AUH: variants seen among roughly 807,000 people sequenced by gnomAD.
AUH encodes the protein methylglutaconyl-CoA hydratase, mitochondrial.
In AUH, 29 loss-of-function variants were observed where a neutral mutation model predicts 42.3. That is an observed-to-expected ratio of 0.69 (90% CI 0.51 to 0.93). The LOEUF (loss-of-function observed/expected upper bound fraction) is 0.93. AUH is among the 40% of genes least tolerant of loss of function. The pLI, the probability that AUH is intolerant of heterozygous loss-of-function variation, is 0.00. For synonymous variants in AUH, 174 were observed against 166.4 expected, an observed-to-expected ratio of 1.05 and a Z score of -0.35; for missense variants, 452 against 438.1, an observed-to-expected ratio of 1.03 and a Z score of -0.28.
At chr9:91,276,795 T>A (rs768325520) in intron 6 of AUH, among the ~76,000 whole-genome samples, 3 of 152,130 alleles carry the variant, frequency 2.0e-5, no homozygotes, top group Non-Finnish European at 4.4e-5. Flanking sequence ...TTATAGAACA[T>A]AGAGGACAAG....
intron 4 of AUH, among the ~76,000 whole-genome samples, chr9:91,310,579 C>G (rs953103727): frequency 9.2e-5 from 14 of 152,110 alleles, no homozygotes; most frequent in African/African-American, 3.4e-4. Flanking sequence ...AAACTTACAC[C>G]AAAATAATTC....
intron 6 of AUH, among the ~76,000 whole-genome samples, chr9:91,287,385 A>G (rs1826502318): frequency 6.6e-6 from 1 of 152,188 alleles, no homozygotes. Context: ...ACTAAATGCA[A>G]CGTGGAGGCC....
At chr9:91,253,909 C>T (rs917289644) in intron 6 of AUH, among the ~76,000 whole-genome samples, 3 of 152,140 alleles carry the variant, frequency 2.0e-5, no homozygotes, top group Admixed American at 6.5e-5. Context: ...TTTAAGGAGA[C>T]AAGCTATAAA....
intron 9 of AUH, among the ~76,000 whole-genome samples, chr9:91,215,773 C>A (rs540458080): frequency 5.3e-5 from 8 of 152,100 alleles, no homozygotes. Context: ...CAGGACCAAT[C>A]CCACAAAAGA....
At chr9:91,282,541 T>G (rs1035695232) in intron 6 of AUH, among the ~76,000 whole-genome samples, 1 of 152,122 alleles carries the variant, frequency 6.6e-6, no homozygotes. Flanking sequence ...GAAAACAGTA[T>G]GTGAGCAGGA....
At chr9:91,360,664 G>A (rs1832777423) in intron 1 of AUH, among the ~76,000 whole-genome samples, 1 of 152,130 alleles carries the variant, frequency 6.6e-6, no homozygotes, top group South Asian at 2.1e-4. Context: ...TTCAAATGGC[G>A]AAACCCTGCA....
chr9:91,287,215 A>C (rs971962946), intron 6 of AUH, among the ~76,000 whole-genome samples: 1 of 152,170 alleles, frequency 6.6e-6, no homozygotes, highest in Non-Finnish European at 1.5e-5. Context: ...AATTCTTGCC[A>C]AAAATGAATA....
chr9:91,257,362 C>T (rs1486350396), intron 6 of AUH, among the ~76,000 whole-genome samples: 8 of 151,474 alleles, frequency 5.3e-5, no homozygotes, highest in Non-Finnish European at 1.2e-4. Flanking sequence ...CCTCAGGGAG[C>T]GGTGGCACCA....
chr9:91,279,568 T>C (rs779926658), intron 6 of AUH, among the ~76,000 whole-genome samples: 1 of 152,184 alleles, frequency 6.6e-6, no homozygotes, highest in African/African-American at 2.4e-5. Context: ...ACATCTCATA[T>C]GGTGAGAGCA....
At chr9:91,334,234 CTACT>C (rs1830534901) in intron 3 of AUH, among the ~76,000 whole-genome samples, 1 of 152,188 alleles carries the variant, frequency 6.6e-6, no homozygotes, top group Non-Finnish European at 1.5e-5. Flanking sequence ...CTTTATGTGT[CTACT>C]TGTCTGGGCC....
At chr9:91,296,228 T>G in intron 5 of AUH, 151 bp from the exon 6 acceptor site, 1 of 776,312 alleles carries the variant, frequency 1.3e-6, no homozygotes, top group Non-Finnish European at 2.1e-6. Flanking sequence ...GGCATTGTTA[T>G]GGAAATAAGT....
intron 9 of AUH, 96 bp downstream of exon 9, chr9:91,215,963 G>T: frequency 1.5e-6 from 2 of 1,316,110 alleles, no homozygotes; most frequent in Non-Finnish European, 1.1e-6. Flanking sequence ...ATGGGCGCAA[G>T]GGTAATCTTG....
chr9:91,344,334 C>T (rs1000017311), intron 3 of AUH, among the ~76,000 whole-genome samples: 1 of 152,206 alleles, frequency 6.6e-6, no homozygotes, highest in Non-Finnish European at 1.5e-5. Flanking sequence ...TCCCTCACTG[C>T]TTCCAGTTGT....
chr9:91,243,782 C>T (rs1828645176), intron 6 of AUH, among the ~76,000 whole-genome samples: 1 of 151,994 alleles, frequency 6.6e-6, no homozygotes, highest in Non-Finnish European at 1.5e-5. Context: ...AGAAAACGAG[C>T]AGCAAAATGA....
At chr9:91,271,678 T>C (rs1825139382) in intron 6 of AUH, among the ~76,000 whole-genome samples, 1 of 152,208 alleles carries the variant, frequency 6.6e-6, no homozygotes, top group Non-Finnish European at 1.5e-5. Context: ...AAATCTTCAA[T>C]ATGCTTTGTT....
At chr9:91,361,096 A>G (rs1228572208) in intron 1 of AUH, among the ~76,000 whole-genome samples, 1 of 152,242 alleles carries the variant, frequency 6.6e-6, no homozygotes, top group African/African-American at 2.4e-5. Context: ...AAAGTGCTCA[A>G]AATTGTTTAA....
At chr9:91,343,864 CAACTT>C (rs1167957214) in intron 3 of AUH, among the ~76,000 whole-genome samples, 1 of 152,130 alleles carries the variant, frequency 6.6e-6, no homozygotes, top group Non-Finnish European at 1.5e-5. Context: ...AAAACTCACT[CAACTT>C]AAAAGACACA....
chr9:91,243,432 G>A (rs922830834), intron 6 of AUH, among the ~76,000 whole-genome samples: 11 of 152,248 alleles, frequency 7.2e-5, no homozygotes, highest in Admixed American at 2.0e-4. Flanking sequence ...AGTCAGCTCC[G>A]GTTGGGCAGG....
intron 3 of AUH, among the ~76,000 whole-genome samples, chr9:91,338,541 C>T (rs766596379): frequency 4.6e-5 from 7 of 152,188 alleles, no homozygotes; most frequent in Non-Finnish European, 8.8e-5. Context: ...AGCAATTCTC[C>T]TGCCTCAGCC....
Sources: allele counts gnomAD v4.1 joint callset (sites outside exome capture counted in the v4.1 genomes callset), GRCh38; gene constraint gnomAD v4.1.1; transcripts MANE v1.5; gene names NCBI Gene and HGNC (gene_info 2026-07-23, HGNC 2026-07-21).